RUNX2: variants seen among roughly 807,000 people sequenced by gnomAD.
The protein encoded by RUNX2 is RUNX family transcription factor 2.
In RUNX2, 10 loss-of-function variants were observed where a neutral mutation model predicts 51.7. The ratio of observed to expected loss-of-function variants is 0.19; its 90% CI spans 0.12 to 0.33. The LOEUF (loss-of-function observed/expected upper bound fraction) is 0.33. Ranked by LOEUF, RUNX2 falls within the 10% of genes least tolerant of loss-of-function variation. The probability of loss-of-function intolerance (pLI) is 1.00; values close to 1 mark genes in which losing one functional copy is unlikely to be tolerated. For synonymous variants in RUNX2, 276 were observed against 273.6 expected, an observed-to-expected ratio of 1.01 and a Z score of -0.09; for missense variants, 562 against 691.3, an observed-to-expected ratio of 0.81 and a Z score of 2.10.
chr6:45,550,812 A>G lies in RUNX2; in HGVS notation c.*3507A>G, dbSNP rs1363489022. On this transcript the variant is annotated 3_prime_UTR_variant, in exon 9 of 9. Coordinates refer to ENST00000647337, the MANE Select transcript of RUNX2 (RefSeq NM_001024630.4). The stretch of plus-strand genomic sequence containing the variant: ...ATTCTTAGGTTTCTGTGGAACAAAA[A>G]TATTTGTAGCATTTTGTGTAAATAC... 6.6e-6 allele frequency: 1 copy of G among 152,650 alleles called. No homozygotes were observed. Among genetic ancestry groups the G allele is most frequent in the Admixed American group, 6.5e-5 (1 of 15,286 alleles). 9.5% of individuals were successfully genotyped at this position (152,650 alleles called of 1,614,324 possible).
intron 5 of RUNX2, among the ~76,000 whole-genome samples, chr6:45,459,509 A>C (rs1163224713): frequency 1.3e-5 from 2 of 152,222 alleles, no homozygotes; most frequent in East Asian, 3.8e-4. Context: ...TCCTGGAGAT[A>C]GTGCTATAAT....
chr6:45,357,390 G>A (rs1793429523), intron 2 of RUNX2, among the ~76,000 whole-genome samples: 1 of 151,996 alleles, frequency 6.6e-6, no homozygotes, highest in Non-Finnish European at 1.5e-5. Flanking sequence ...GAGAACAGTG[G>A]CAGGATCATG....
chr6:45,392,287 T>C (rs1298685804), intron 2 of RUNX2, among the ~76,000 whole-genome samples: 1 of 152,162 alleles, frequency 6.6e-6, no homozygotes, highest in Non-Finnish European at 1.5e-5. Flanking sequence ...GGAGGATTGC[T>C]TGAGGCTGGG....
chr6:45,424,699 T>C (rs1798336880), intron 3 of RUNX2, among the ~76,000 whole-genome samples: 1 of 151,894 alleles, frequency 6.6e-6, no homozygotes, highest in South Asian at 2.1e-4. Flanking sequence ...GAAAGAGGAG[T>C]CCAGGTCAAT....
At chr6:45,464,442 A>T (rs1799567552) in intron 5 of RUNX2, among the ~76,000 whole-genome samples, 1 of 152,214 alleles carries the variant, frequency 6.6e-6, no homozygotes, top group African/African-American at 2.4e-5. Context: ...ATGGGCTAGA[A>T]TGATGACATG....
At chr6:45,475,318 G>A (rs114926616) in intron 5 of RUNX2, among the ~76,000 whole-genome samples, 1 of 152,084 alleles carries the variant, frequency 6.6e-6, no homozygotes, top group Non-Finnish European at 1.5e-5. Context: ...AAGTCAAGGC[G>A]TTTGAGCTGA....
At position 45,463,551 on chromosome 6, in the gene RUNX2, T is replaced by C. The variant is rs191917609; in HGVS notation, c.685+25500T>C. Among the ~76,000 whole-genome samples, 9 of 152,326 alleles carry C rather than the reference T, an allele frequency of 5.9e-5. No individual in the cohort carries two copies. In the East Asian group the frequency reaches 1.5e-3, roughly 26 times the overall value. ...TTTGTCTTGCCAGTAGAACTAAAAC[T>C]GATGGATTTTCTCAGTGTAAGTATG... On this transcript the variant is annotated intron_variant, in intron 5 of 8. Coordinates refer to ENST00000647337, the MANE Select transcript of RUNX2 (RefSeq NM_001024630.4).
intron 5 of RUNX2, 60 bp from the exon 6 acceptor site, chr6:45,491,881 T>C: frequency 6.5e-7 from 1 of 1,539,684 alleles, no homozygotes; most frequent in Non-Finnish European, 9.0e-7. Context: ...CATATCTATT[T>C]AGCATGGTCA....
chr6:45,526,448 G>A (rs1412863045), intron 7 of RUNX2, among the ~76,000 whole-genome samples: 2 of 152,062 alleles, frequency 1.3e-5, no homozygotes, highest in African/African-American at 2.4e-5. Flanking sequence ...TAAAACAGAC[G>A]AATTCTGTTA....
intron 2 of RUNX2, among the ~76,000 whole-genome samples, chr6:45,390,493 G>A (rs147744688): frequency 1.2e-4 from 18 of 152,288 alleles, no homozygotes; most frequent in African/African-American, 4.3e-4. Flanking sequence ...TAAAACATTG[G>A]GAACTTAAAG....
intron 7 of RUNX2, among the ~76,000 whole-genome samples, chr6:45,522,693 C>T (rs1173923588): frequency 1.3e-5 from 2 of 152,208 alleles, no homozygotes; most frequent in Non-Finnish European, 2.9e-5. Context: ...TGGCCCAGGG[C>T]CTGGCCTTCT....
At chr6:45,422,530 CCCTCCT>C in intron 2 of RUNX2, 57 bp from the exon 3 acceptor site, 1 of 1,365,754 alleles carries the variant, frequency 7.3e-7, no homozygotes, top group Non-Finnish European at 9.8e-7. Context: ...CTCATTTCCA[CCCTCCT>C]CCCCCTCCCC....
At chr6:45,513,664 A>G (rs1041079471) in intron 7 of RUNX2, 1 of 152,138 alleles carries the variant, frequency 6.6e-6, no homozygotes. Context: ...GTGAGTAGGG[A>G]AAGAAGAGGG....
chr6:45,464,733 C>T (rs1009475113), intron 5 of RUNX2, among the ~76,000 whole-genome samples: 1 of 152,192 alleles, frequency 6.6e-6, no homozygotes, highest in Non-Finnish European at 1.5e-5. Context: ...TCTCATTTTA[C>T]CCTAATGAAT....
chr6:45,416,989 A>G (rs953535173), intron 2 of RUNX2, among the ~76,000 whole-genome samples: 1 of 152,220 alleles, frequency 6.6e-6, no homozygotes, highest in Non-Finnish European at 1.5e-5. Context: ...ACAGCCATGC[A>G]AATTATTATA....
chr6:45,403,223 G>GAGTTTCTT, intron 2 of RUNX2, among the ~76,000 whole-genome samples: 1 of 143,756 alleles, frequency 7.0e-6, no homozygotes, highest in Non-Finnish European at 1.5e-5. Context: ...TTAATTGTTT[G>GAGTTTCTT]AGTTTCTTTT....
At chr6:45,527,642 A>G (rs937284134) in intron 7 of RUNX2, among the ~76,000 whole-genome samples, 2 of 152,218 alleles carry the variant, frequency 1.3e-5, no homozygotes, top group Non-Finnish European at 2.9e-5. Context: ...TGAAGTGGTA[A>G]TTCAGGAGTT....
chr6:45,503,699 C>T (rs763513589), intron 6 of RUNX2, among the ~76,000 whole-genome samples: 9 of 152,130 alleles, frequency 5.9e-5, no homozygotes, highest in Admixed American at 1.3e-4. Flanking sequence ...GTGGTATAGC[C>T]TCTTTCTTCT....
At chr6:45,387,832 C>T (rs183421929) in intron 2 of RUNX2, among the ~76,000 whole-genome samples, 9 of 152,214 alleles carry the variant, frequency 5.9e-5, no homozygotes, top group Middle Eastern at 3.4e-3. Context: ...GATGCTAAAA[C>T]GAGAATCAGG....
Sources: gnomAD v4.1 joint callset for allele counts (sites outside exome capture counted in the v4.1 genomes callset) on GRCh38, gnomAD v4.1.1 for gene constraint, MANE v1.5 for transcripts, NCBI Gene and HGNC (gene_info 2026-07-23, HGNC 2026-07-21) for gene names.